Variants in MECOM observed in about 807,000 individuals in gnomAD.
The protein encoded by MECOM is histone-lysine N-methyltransferase MECOM.
In MECOM, 13 loss-of-function variants were observed where a neutral mutation model predicts 116.3. The ratio of observed to expected loss-of-function variants is 0.11; its 90% CI spans 0.07 to 0.18. MECOM has a LOEUF of 0.18. Ranked by LOEUF, MECOM falls within the 10% of genes least tolerant of loss-of-function variation. The probability of loss-of-function intolerance (pLI) is 1.00; values close to 1 mark genes in which losing one functional copy is unlikely to be tolerated. For missense variants in MECOM, 1,299 were observed against 1,509.0 expected, an observed-to-expected ratio of 0.86 and a Z score of 2.31; for synonymous variants, 528 against 535.2, an observed-to-expected ratio of 0.99 and a Z score of 0.19.
chr3:169,183,771 C>T (rs1166950665), intron 2 of MECOM, among the ~76,000 whole-genome samples: 15 of 18,680 alleles, frequency 8.0e-4, no homozygotes, highest in Admixed American at 3.2e-3. Flanking sequence ...TACACACACA[C>T]ACACACACAC....
At chr3:169,360,770 C>T (rs1461771557) in intron 2 of MECOM, among the ~76,000 whole-genome samples, 1 of 151,716 alleles carries the variant, frequency 6.6e-6, no homozygotes, top group Admixed American at 6.6e-5. Context: ...GCGGAGTATG[C>T]CTTCTTCATT....
At chr3:169,438,930 T>G (rs757890806) in intron 1 of MECOM, among the ~76,000 whole-genome samples, 4 of 151,946 alleles carry the variant, frequency 2.6e-5, no homozygotes, top group Non-Finnish European at 5.9e-5. Context: ...AAACATAAAT[T>G]AAAAACAATC....
At chr3:169,485,867 GTATATATGTA>G (rs1261031904) in intron 1 of MECOM, among the ~76,000 whole-genome samples, 2 of 88,226 alleles carry the variant, frequency 2.3e-5, no homozygotes, top group Admixed American at 1.3e-4. Context: ...CATATGTATA[GTATATATGTA>G]TATATATGTA....
intron 1 of MECOM, among the ~76,000 whole-genome samples, chr3:169,661,777 C>G (rs1776315852): frequency 6.6e-6 from 1 of 152,194 alleles, no homozygotes; most frequent in Admixed American, 6.5e-5. Context: ...GTATTTGGTT[C>G]TAATGTGCGA....
In MECOM at chr3:169,635,882, C is replaced by G. The variant is rs549171672; in HGVS notation, c.37+27454G>C. ...TTCTGTTCCACTAGTTATTCTTCAC[C>G]TAAATCTTCTGTCGAGCCTTCCCAT... On this transcript the variant is annotated intron_variant, in intron 1 of 16. Coordinates refer to ENST00000651503, the MANE Select transcript of MECOM (RefSeq NM_004991.4). 2.0e-5 allele frequency among the ~76,000 whole-genome samples: 3 copies of G among 152,300 alleles called. No individual in the cohort carries two copies. In the East Asian group the frequency reaches 5.8e-4, roughly 29 times the overall value.
At chr3:169,378,819 T>G (rs1442400480) in intron 2 of MECOM, among the ~76,000 whole-genome samples, 1 of 152,074 alleles carries the variant, frequency 6.6e-6, no homozygotes, top group Non-Finnish European at 1.5e-5. Context: ...AGGCTGAGTT[T>G]CCATTAGGGG....
intron 2 of MECOM, among the ~76,000 whole-genome samples, chr3:169,372,017 A>G (rs1730223067): frequency 6.6e-6 from 1 of 152,108 alleles, no homozygotes; most frequent in African/African-American, 2.4e-5. Context: ...TTGTTGGAAC[A>G]TAATGTATTG....
At chr3:169,320,163 T>A (rs1720603869) in intron 2 of MECOM, among the ~76,000 whole-genome samples, 1 of 152,170 alleles carries the variant, frequency 6.6e-6, no homozygotes, top group Admixed American at 6.5e-5. Context: ...GATTTTAGAA[T>A]GTATGTGCCT....
intron 1 of MECOM, among the ~76,000 whole-genome samples, chr3:169,614,649 C>A (rs539104017): frequency 6.6e-6 from 1 of 152,102 alleles, no homozygotes; most frequent in African/African-American, 2.4e-5. Flanking sequence ...ATTAAACAGG[C>A]CTAAGTGATA....
intron 2 of MECOM, among the ~76,000 whole-genome samples, chr3:169,285,724 C>T (rs1213376373): frequency 2.0e-5 from 3 of 152,162 alleles, no homozygotes; most frequent in Admixed American, 1.3e-4. Flanking sequence ...ATAGGCTGCA[C>T]AATCCGTAAC....
At chr3:169,371,665 T>C (rs961555800) in intron 2 of MECOM, among the ~76,000 whole-genome samples, 1 of 151,946 alleles carries the variant, frequency 6.6e-6, no homozygotes, top group African/African-American at 2.4e-5. Flanking sequence ...TATTTGCCAA[T>C]TATACCTCAA....
At chr3:169,238,379 G>T (rs1754366724) in intron 2 of MECOM, among the ~76,000 whole-genome samples, 1 of 151,992 alleles carries the variant, frequency 6.6e-6, no homozygotes, top group African/African-American at 2.4e-5. Context: ...TAGGAAACTG[G>T]TTTAAATTCA....
At chr3:169,111,973 T>G (rs1576977687) in intron 9 of MECOM, among the ~76,000 whole-genome samples, 1 of 152,124 alleles carries the variant, frequency 6.6e-6, no homozygotes, top group East Asian at 1.9e-4. Context: ...TATTCTATTT[T>G]TAAGAATTTT....
chr3:169,642,605 G>A lies in MECOM; in HGVS notation c.37+20731C>T, dbSNP rs544847099. Among the ~76,000 whole-genome samples the A allele has an allele frequency of 3.9e-5, 6 of 151,968 alleles. 1 individual carries two copies. In the South Asian group the frequency reaches 1.2e-3, roughly 32 times the overall value. On this transcript the variant is annotated intron_variant, in intron 1 of 16. Transcript: ENST00000651503. ...TAAAAGAGCAAAAATCTGACTGCTC[G>A]GAGAGTCACCATGGTTATGGAGAGG...
intron 1 of MECOM, among the ~76,000 whole-genome samples, chr3:169,604,985 A>T (rs1019927104): frequency 6.6e-6 from 1 of 152,182 alleles, no homozygotes; most frequent in African/African-American, 2.4e-5. Flanking sequence ...GCTTGATATT[A>T]TCTAAAGGGC....
chr3:169,277,829 C>G (rs140857630), intron 2 of MECOM, among the ~76,000 whole-genome samples: 1 of 152,104 alleles, frequency 6.6e-6, no homozygotes, highest in East Asian at 1.9e-4. Flanking sequence ...GAACTCACAC[C>G]GCAAAACATT....
At chr3:169,564,020 T>C (rs1762947543) in intron 1 of MECOM, among the ~76,000 whole-genome samples, 1 of 152,150 alleles carries the variant, frequency 6.6e-6, no homozygotes. Context: ...TAATATATAG[T>C]GGTTACCAAA....
At chr3:169,640,771 A>G (rs1773371699) in intron 1 of MECOM, among the ~76,000 whole-genome samples, 1 of 152,240 alleles carries the variant, frequency 6.6e-6, no homozygotes, top group Non-Finnish European at 1.5e-5. Context: ...AGATTTAAAC[A>G]TGTGCTCTGC....
chr3:169,515,462 A>C (rs1756511198), intron 1 of MECOM, among the ~76,000 whole-genome samples: 1 of 152,186 alleles, frequency 6.6e-6, no homozygotes, highest in South Asian at 2.1e-4. Flanking sequence ...AATTAAAGCT[A>C]ATCTATTTAG....
Sources: gnomAD v4.1 joint callset for allele counts (sites outside exome capture counted in the v4.1 genomes callset) on GRCh38, gnomAD v4.1.1 for gene constraint, MANE v1.5 for transcripts, NCBI Gene and HGNC (gene_info 2026-07-23, HGNC 2026-07-21) for gene names.